COX7A2L: variants seen among roughly 807,000 people sequenced by gnomAD.
The protein encoded by COX7A2L is cytochrome c oxidase subunit 7A2-like, mitochondrial.
COX7A2L carries 18 observed loss-of-function variants against 14.2 expected under a neutral mutation model. That is an observed-to-expected ratio of 1.27 (90% CI 0.88 to 1.88). COX7A2L has a LOEUF of 1.88. Among genes scored for constraint, COX7A2L ranks in the 40% most tolerant of loss-of-function variants. COX7A2L has a pLI of 0.00. For synonymous variants in COX7A2L, 65 were observed against 57.4 expected (o/e 1.13, Z -0.60); for missense variants, 179 against 138.8 (o/e 1.29, Z -1.46).
intron 2 of COX7A2L, among the ~76,000 whole-genome samples, chr2:42,337,334 C>T (rs1436486060): frequency 6.6e-6 from 1 of 152,156 alleles, no homozygotes; most frequent in African/African-American, 2.4e-5. Context: ...TGCTCACGGG[C>T]ATGAGCAACA....
downstream of COX7A2L, among the ~76,000 whole-genome samples, chr2:42,346,309 C>T (rs767485949): frequency 5.9e-5 from 9 of 152,260 alleles, no homozygotes; most frequent in Non-Finnish European, 1.3e-4. Context: ...ACCTTGGACT[C>T]GAAGGCAGTC....
Position 42,340,151 on chromosome 2 carries a change from G to A in COX7A2L, c.193-6282C>T, listed in dbSNP as rs181361632. Among the ~76,000 whole-genome samples, 98 of 152,002 alleles carry A rather than the reference G, an allele frequency of 6.4e-4. 2 individuals carry two copies. In the South Asian group the frequency reaches 0.02, roughly 31 times the overall value. On this transcript the variant is annotated intron_variant, in intron 2 of 2. Coordinates refer to the COX7A2L transcript ENST00000468711. The stretch of plus-strand genomic sequence containing the variant: ...CAACCCACATTCTCCAAAGAAACAC[G>A]CCCTGCCTTGTTTACCCCCAGGTTC...
At chr2:42,358,402 C>A (rs1006990322) in intron 1 of COX7A2L, among the ~76,000 whole-genome samples, 1 of 152,192 alleles carries the variant, frequency 6.6e-6, no homozygotes, top group Admixed American at 6.5e-5. Context: ...TACAGAACCA[C>A]CTTTTCCATA....
At chr2:42,355,175 A>G (rs1019010576) in intron 1 of COX7A2L, among the ~76,000 whole-genome samples, 3 of 152,212 alleles carry the variant, frequency 2.0e-5, no homozygotes, top group Non-Finnish European at 2.9e-5. Context: ...TACATTTAGA[A>G]ATACAACACA....
rs1670351993 is a variant in COX7A2L at position 42,339,324 on chromosome 2, C to T, written c.193-5455G>A. Among the ~76,000 whole-genome samples, 1 of 152,200 alleles carries T rather than the reference C, an allele frequency of 6.6e-6. No homozygotes were observed. Among genetic ancestry groups the T allele is most frequent in the African/African-American group, 2.4e-5 (1 of 41,446 alleles). On this transcript the variant is annotated intron_variant, in intron 2 of 2. Transcript: ENST00000468711. The surrounding 1 kb of genome is among the most constrained non-coding windows in gnomAD (Gnocchi z 5.4). ...CACAGGATCCCCCCAGCGGCTCTTG[C>T]TCCTCCATGTCCTGATTCAACGCTA...
chr2:42,356,962 A>G (rs929291479), intron 1 of COX7A2L, among the ~76,000 whole-genome samples: 1 of 152,186 alleles, frequency 6.6e-6, no homozygotes, highest in Non-Finnish European at 1.5e-5. Context: ...ATCAAGAAAA[A>G]TCACATACTT....
intron 1 of COX7A2L, 57 bp from the exon 2 acceptor site, chr2:42,353,400 G>A: frequency 1.9e-6 from 3 of 1,593,646 alleles, no homozygotes; most frequent in Non-Finnish European, 2.6e-6. Context: ...AGGCTGTCTG[G>A]AATAGTGGAG....
rs1670640056 is a variant in COX7A2L, at chr2:42,351,355, G to C, written c.209C>G (p.Ala70Gly). Reference sequence around the variant, plus strand: ...TTTCAGGTAGACGGGCACACCATCAGCTTTCTTGAAAGCAAGAATTAACAA... The same window carrying C: ...TTTCAGGTAGACGGGCACACCATCACCTTTCTTGAAAGCAAGAATTAACAA... ...VPELQKFFQKADGVPVYLKRG... is the reference protein window; with the variant it reads ...VPELQKFFQKGDGVPVYLKRG... The change falls in exon 3 of 3, where the codon GCT (alanine) becomes GGT (glycine). Residue 70 changes from alanine to glycine, a missense_variant. By Grantham distance (60) the Ala-to-Gly change is moderately conservative (BLOSUM62 0). Coordinates refer to ENST00000234301, the MANE Select transcript of COX7A2L (RefSeq NM_004718.4). The C allele has an allele frequency of 1.1e-5, 18 of 1,612,738 alleles. No homozygotes were observed. Among genetic ancestry groups the C allele is most frequent in the Non-Finnish European group, 1.5e-5 (18 of 1,179,628 alleles).
At chr2:42,341,504 G>C (rs1172863084) in intron 2 of COX7A2L, among the ~76,000 whole-genome samples, 1 of 152,154 alleles carries the variant, frequency 6.6e-6, no homozygotes, top group African/African-American at 2.4e-5. Context: ...CAAGTCATGT[G>C]GTTCAATCTA....
At chr2:42,361,404 G>C (rs1671046535), upstream of COX7A2L, 1 of 468,558 alleles carries the variant, frequency 2.1e-6, no homozygotes, top group Non-Finnish European at 3.8e-6. Context: ...CGCTGTGGCG[G>C]AGTCTGTAGG....
rs1179606008 is a variant in COX7A2L at position 42,338,309 on chromosome 2, C to A, written c.193-4440G>T. ...GCCATCCAGCCTCTGCCTTTCCTTG[C>A]GTGTCTGGGCTGAATCAGCTTCCCT... On this transcript the variant is annotated intron_variant, in intron 2 of 2. Coordinates refer to the COX7A2L transcript ENST00000468711. This position sits in a 1 kb window ranked among gnomAD's most constrained non-coding sequence, Gnocchi z 4.4. Among the ~76,000 whole-genome samples, 1 of 152,172 alleles carries A rather than the reference C, an allele frequency of 6.6e-6. No homozygotes were observed. The highest frequency in any genetic ancestry group is 1.5e-5 in the Non-Finnish European group (1 of 68,032).
At chr2:42,348,270 C>T (rs1461905729), downstream of COX7A2L, among the ~76,000 whole-genome samples, 3 of 152,186 alleles carry the variant, frequency 2.0e-5, no homozygotes, top group African/African-American at 7.2e-5. Context: ...GACCAATGAA[C>T]AGAGTGCAAA....
Position 42,361,202 on chromosome 2 carries a change from A to C in COX7A2L, c.-41T>G. 6.4e-7 allele frequency: 1 copy of C among 1,560,578 alleles called. No individual in the cohort carries two copies. The highest frequency in any genetic ancestry group is 1.9e-5 in the Admixed American group (1 of 53,840). ...GCTTCCCGCATCCGCTGCCAACGCG[A>C]CCGCCCCAGAGAAGGACCCCGCCTC... On this transcript the variant is annotated 5_prime_UTR_variant, in exon 1 of 3. Coordinates refer to ENST00000234301, the MANE Select transcript of COX7A2L (RefSeq NM_004718.4).
At chr2:42,337,515 C>A (rs1364415314) in intron 2 of COX7A2L, among the ~76,000 whole-genome samples, 1 of 139,448 alleles carries the variant, frequency 7.2e-6, no homozygotes. Flanking sequence ...TCTGCAGTGA[C>A]GATGAGTAGG....
downstream of COX7A2L, among the ~76,000 whole-genome samples, chr2:42,344,850 CAAA>C (rs761952104): frequency 9.4e-6 from 1 of 106,112 alleles, no homozygotes. Context: ...GACTCCGCCT[CAAA>C]AAAAAAAAAA....
chr2:42,337,273 G>A (rs1670296655), intron 2 of COX7A2L, among the ~76,000 whole-genome samples: 1 of 152,108 alleles, frequency 6.6e-6, no homozygotes, highest in Admixed American at 6.5e-5. Context: ...CCCACACAGT[G>A]GAATAATACT....
At chr2:42,335,851 A>T (rs1373150778) in intron 2 of COX7A2L, among the ~76,000 whole-genome samples, 1 of 152,222 alleles carries the variant, frequency 6.6e-6, no homozygotes, top group Non-Finnish European at 1.5e-5. Flanking sequence ...TTGGACTTTG[A>T]ATCGTGTCAA....
chr2:42,368,865 T>TA (rs1309819344), intron 1 of COX7A2L: 1 of 152,214 alleles, frequency 6.6e-6, no homozygotes, highest in Non-Finnish European at 1.5e-5. Context: ...CTCTTAGACT[T>TA]ACCAAGTCAA....
rs529950872 is a variant in COX7A2L at position 42,338,239 on chromosome 2, G to A, written c.193-4370C>T. ...GGGAGCCGCTCCTCGTCTTGCTTCC[G>A]GTTGATGTGTCGTTGGTACTCCTCC... On this transcript the variant is annotated intron_variant, in intron 2 of 2. Transcript: ENST00000468711. This position sits in a 1 kb window ranked among gnomAD's most constrained non-coding sequence, Gnocchi z 4.4. Among the ~76,000 whole-genome samples the A allele has an allele frequency of 5.0e-3, 757 of 152,312 alleles. 10 individuals are homozygous for A. The highest frequency in any genetic ancestry group is 0.017 in the African/African-American group (717 of 41,578).
Sources: gnomAD v4.1 joint callset for allele counts (sites outside exome capture counted in the v4.1 genomes callset) on GRCh38, gnomAD v4.1.1 for gene constraint, Gnocchi (gnomAD v3.1) non-coding constraint, MANE v1.5 for transcripts, NCBI Gene and HGNC (gene_info 2026-07-23, HGNC 2026-07-21) for gene names.